Variants in LPP observed in about 807,000 individuals in gnomAD.
The protein encoded by LPP is lipoma-preferred partner.
In LPP, 38 loss-of-function variants were observed where a neutral mutation model predicts 60.4. The ratio of observed to expected loss-of-function variants is 0.63; its 90% CI spans 0.49 to 0.83. The LOEUF is 0.83. Ranked by LOEUF, LPP falls within the 40% of genes least tolerant of loss-of-function variation. The pLI is 0.00. For missense variants in LPP, 902 were observed against 783.6 expected, an observed-to-expected ratio of 1.15 and a Z score of -1.80; for synonymous variants, 328 against 290.8, an observed-to-expected ratio of 1.13 and a Z score of -1.30.
chr3:188,240,674 T>A (rs954419125), intron 2 of LPP, among the ~76,000 whole-genome samples: 2 of 151,664 alleles, frequency 1.3e-5, no homozygotes, highest in African/African-American at 2.4e-5. Flanking sequence ...TCATGTCAAC[T>A]AGTAAGGCTG....
At chr3:188,587,435 T>C (rs953207309) in intron 6 of LPP, among the ~76,000 whole-genome samples, 1 of 151,582 alleles carries the variant, frequency 6.6e-6, no homozygotes, top group African/African-American at 2.4e-5. Flanking sequence ...TAGGGATTGT[T>C]TATTTTCATG....
At chr3:188,601,483 T>C (rs892434947) in intron 6 of LPP, among the ~76,000 whole-genome samples, 1 of 152,170 alleles carries the variant, frequency 6.6e-6, no homozygotes, top group African/African-American at 2.4e-5. Flanking sequence ...TCCCTAAATC[T>C]AAATTATATA....
chr3:188,389,808 CAAAAAAAAAAAGA>C (rs1380901750), intron 3 of LPP, among the ~76,000 whole-genome samples: 1 of 132,104 alleles, frequency 7.6e-6, no homozygotes, highest in Non-Finnish European at 1.6e-5. Flanking sequence ...GACTCCGTCT[CAAAAAAAAAAAGA>C]AAAGAAAAAA....
intron 2 of LPP, among the ~76,000 whole-genome samples, chr3:188,310,421 G>A (rs1213423413): frequency 2.0e-5 from 3 of 152,064 alleles, no homozygotes. Context: ...GAGTGAGAAG[G>A]CAAGAAAGCA....
chr3:188,186,909 A>G (rs934554407), intron 1 of LPP, among the ~76,000 whole-genome samples: 2 of 152,172 alleles, frequency 1.3e-5, no homozygotes, highest in African/African-American at 4.8e-5. Context: ...CCAAGTCTTG[A>G]CAGTTACATT....
chr3:188,442,752 C>G (rs1392344391), intron 4 of LPP, among the ~76,000 whole-genome samples: 1 of 152,188 alleles, frequency 6.6e-6, no homozygotes, highest in East Asian at 1.9e-4. Flanking sequence ...GAATCAAGCT[C>G]TGTTTATACA....
At chr3:188,241,026 T>G (rs1395638329) in intron 2 of LPP, among the ~76,000 whole-genome samples, 1 of 152,288 alleles carries the variant, frequency 6.6e-6, no homozygotes. Context: ...AAAGTGATGA[T>G]TTTAGAGGTA....
chr3:188,577,727 G>C (rs1335838931), intron 6 of LPP, among the ~76,000 whole-genome samples: 1 of 137,290 alleles, frequency 7.3e-6, no homozygotes, highest in African/African-American at 2.6e-5. Context: ...TCCTCTCTTT[G>C]GTTTCCTTCC....
At chr3:188,555,499 A>C (rs1048706753) in intron 6 of LPP, among the ~76,000 whole-genome samples, 2 of 152,068 alleles carry the variant, frequency 1.3e-5, no homozygotes, top group Non-Finnish European at 2.9e-5. Context: ...GGAGGGGATA[A>C]GAAGTAGTGG....
At chr3:188,185,503 C>T (rs13090050) in intron 1 of LPP, among the ~76,000 whole-genome samples, 1 of 148,148 alleles carries the variant, frequency 6.8e-6, no homozygotes, top group East Asian at 1.9e-4. Context: ...CTCTTTTCCC[C>T]CTATATACCC....
chr3:188,738,903 C>T (rs569691109), intron 8 of LPP, among the ~76,000 whole-genome samples: 129 of 152,164 alleles, frequency 8.5e-4, no homozygotes, highest in Middle Eastern at 3.4e-3. Flanking sequence ...TCTGATTGGT[C>T]TTTAAAAAAA....
At chr3:188,758,980 C>A (rs536535774) in intron 8 of LPP, among the ~76,000 whole-genome samples, 1 of 152,318 alleles carries the variant, frequency 6.6e-6, no homozygotes, top group South Asian at 2.1e-4. Flanking sequence ...ATTTGCTATA[C>A]CTTATCTATC....
At chr3:188,681,386 C>T (rs1306169448) in intron 7 of LPP, among the ~76,000 whole-genome samples, 1 of 152,176 alleles carries the variant, frequency 6.6e-6, no homozygotes, top group Non-Finnish European at 1.5e-5. Context: ...GACAGTGGCT[C>T]AACATCTCCA....
intron 9 of LPP, among the ~76,000 whole-genome samples, chr3:188,845,210 C>T (rs1385363287): frequency 6.6e-6 from 1 of 152,190 alleles, no homozygotes; most frequent in East Asian, 1.9e-4. Flanking sequence ...ACCTAGAAGG[C>T]CATAATCAGA....
intron 4 of LPP, among the ~76,000 whole-genome samples, chr3:188,462,238 A>G (rs767772622): frequency 6.6e-6 from 1 of 151,424 alleles, no homozygotes; most frequent in South Asian, 2.1e-4. Context: ...AGACATTATT[A>G]TTATTATTAT....
intron 3 of LPP, among the ~76,000 whole-genome samples, chr3:188,368,717 CACAGAG>C (rs62788860): frequency 0.33 from 34,058 of 103,808 alleles, 4,417 homozygotes; most frequent in Middle Eastern, 0.58. Context: ...CACACACACA[CACAGAG>C]AGAGAGAGAG....
intron 2 of LPP, among the ~76,000 whole-genome samples, chr3:188,309,613 C>T (rs1480213661): frequency 2.6e-5 from 4 of 151,730 alleles, no homozygotes; most frequent in African/African-American, 4.8e-5. Flanking sequence ...TGTCCTGTGG[C>T]ATCCACAGAC....
intron 2 of LPP, among the ~76,000 whole-genome samples, chr3:188,291,954 A>G (rs780232189): frequency 2.6e-5 from 4 of 152,186 alleles, no homozygotes; most frequent in Non-Finnish European, 5.9e-5. Flanking sequence ...GTACTGTCAG[A>G]TTATATAGAG....
intron 4 of LPP, among the ~76,000 whole-genome samples, chr3:188,441,949 C>T (rs540333817): frequency 4.6e-5 from 7 of 151,964 alleles, no homozygotes; most frequent in Non-Finnish European, 1.0e-4. Flanking sequence ...TTTCTAATTG[C>T]GTATGTGTGT....
Sources: allele counts gnomAD v4.1 joint callset (sites outside exome capture counted in the v4.1 genomes callset), GRCh38; gene constraint gnomAD v4.1.1; transcripts MANE v1.5; gene names NCBI Gene and HGNC (gene_info 2026-07-23, HGNC 2026-07-21).